Variants in LHFPL6 observed in about 807,000 individuals in gnomAD.
The protein encoded by LHFPL6 is LHFPL tetraspan subfamily member 6.
LHFPL6 carries 9 observed loss-of-function variants against 20.6 expected under a neutral mutation model. That is an observed-to-expected ratio of 0.44 (90% confidence interval 0.26 to 0.76). The LOEUF is 0.76. LHFPL6 is among the 30% of genes least tolerant of loss of function. The pLI, the probability that LHFPL6 is intolerant of heterozygous loss-of-function variation, is 0.20. For missense variants in LHFPL6, 218 were observed against 253.5 expected, an observed-to-expected ratio of 0.86 and a Z score of 0.95; for synonymous variants, 105 against 98.7, an observed-to-expected ratio of 1.06 and a Z score of -0.38.
chr13:39,485,545 G>A (rs1397009951), intron 2 of LHFPL6, among the ~76,000 whole-genome samples: 1 of 152,126 alleles, frequency 6.6e-6, no homozygotes, highest in Non-Finnish European at 1.5e-5. Flanking sequence ...TCTGGTAAAT[G>A]CAAGACTAGA....
chr13:39,477,823 T>A (rs551016997), intron 2 of LHFPL6, among the ~76,000 whole-genome samples: 1 of 152,198 alleles, frequency 6.6e-6, no homozygotes, highest in African/African-American at 2.4e-5. Flanking sequence ...ATGGTTTATG[T>A]CAAGCATCTA....
At chr13:39,442,036 C>T (rs1289989863) in intron 2 of LHFPL6, among the ~76,000 whole-genome samples, 4 of 151,826 alleles carry the variant, frequency 2.6e-5, no homozygotes, top group Non-Finnish European at 5.9e-5. Flanking sequence ...ACCACGTTAG[C>T]CAGGCTGGTC....
chr13:39,352,895 GTATATATATATAAATGTA>G lies in LHFPL6; in HGVS notation c.485-8859_485-8842del, dbSNP rs1869613961. 3.3e-4 allele frequency among the ~76,000 whole-genome samples: 10 copies of G among 30,724 alleles called. 1 individual carries two copies. Among genetic ancestry groups the G allele is most frequent in the African/African-American group, 6.0e-4 (6 of 9,930 alleles). The allele number at this position is 30,724 out of a possible 152,430, so 20.2% of individuals were successfully genotyped here. ...TATATATATAAATGTATATATATGT[GTATATATATATAAATGTA>G]TATATATATAAATGTATATATATGT... On this transcript the variant is annotated intron_variant, in intron 3 of 3. Transcript: ENST00000379589.
At chr13:39,562,417 C>CATATACATATTTACATAT (rs1871525053) in intron 2 of LHFPL6, among the ~76,000 whole-genome samples, 1 of 57,900 alleles carries the variant, frequency 1.7e-5, no homozygotes, top group Non-Finnish European at 3.9e-5. Flanking sequence ...CACATATACA[C>CATATACATATTTACATAT]ATATACATAT....
intron 2 of LHFPL6, among the ~76,000 whole-genome samples, chr13:39,427,705 C>CTAGGGTTCATGAGTGATACTG (rs1159814454): frequency 2.6e-5 from 4 of 152,080 alleles, no homozygotes; most frequent in Non-Finnish European, 5.9e-5. Flanking sequence ...AAATTTGGCA[C>CTAGGGTTCATGAGTGATACTG]TAGGGTTCAT....
At chr13:39,518,314 AG>A (rs1463773246) in intron 2 of LHFPL6, among the ~76,000 whole-genome samples, 1 of 152,238 alleles carries the variant, frequency 6.6e-6, no homozygotes, top group Non-Finnish European at 1.5e-5. Flanking sequence ...CCAACACTTT[AG>A]GTCTCAAACA....
rs567220727 is a variant in LHFPL6 at position 39,397,160 on chromosome 13, T to A, written c.386-18634A>T. Among the ~76,000 whole-genome samples the A allele has an allele frequency of 2.1e-3, 309 of 150,430 alleles. 7 individuals are homozygous for A. The South Asian group carries it at 0.048, about 23-fold the overall frequency. ...TAGGCAATAAGTTAATAAAGTAAAT[T>A]GAAAAAAAAAAGTAGATTTTCTTAA... On this transcript the variant is annotated intron_variant, in intron 2 of 3. Coordinates refer to ENST00000379589, the MANE Select transcript of LHFPL6 (RefSeq NM_005780.3).
At chr13:39,420,130 T>G (rs1020422227) in intron 2 of LHFPL6, among the ~76,000 whole-genome samples, 1 of 152,176 alleles carries the variant, frequency 6.6e-6, no homozygotes, top group African/African-American at 2.4e-5. Flanking sequence ...CTGTATTCAC[T>G]CTTCTCCCAC....
chr13:39,357,292 C>T (rs1432154987), intron 3 of LHFPL6, among the ~76,000 whole-genome samples: 2 of 152,078 alleles, frequency 1.3e-5, no homozygotes, highest in Non-Finnish European at 2.9e-5. Context: ...GAGTTTTGTA[C>T]CAATTCTAAT....
At chr13:39,484,124 T>C (rs768255266) in intron 2 of LHFPL6, among the ~76,000 whole-genome samples, 2 of 152,192 alleles carry the variant, frequency 1.3e-5, no homozygotes, top group Non-Finnish European at 2.9e-5. Flanking sequence ...GTGACAATCA[T>C]TTCCAAGTTT....
chr13:39,390,871 C>T (rs1338488092), intron 2 of LHFPL6, among the ~76,000 whole-genome samples: 2 of 152,048 alleles, frequency 1.3e-5, no homozygotes. Flanking sequence ...GTGGCGTGCA[C>T]CTGTAATCCC....
chr13:39,522,408 G>GCCAA, intron 2 of LHFPL6, among the ~76,000 whole-genome samples: 1 of 150,888 alleles, frequency 6.6e-6, no homozygotes, highest in Admixed American at 6.7e-5. Flanking sequence ...TGTTAGCATG[G>GCCAA]CCAAGTCCAA....
At chr13:39,592,461 G>A (rs1328694602) in intron 2 of LHFPL6, among the ~76,000 whole-genome samples, 2 of 152,150 alleles carry the variant, frequency 1.3e-5, no homozygotes, top group Non-Finnish European at 2.9e-5. Context: ...AACAGGCTCT[G>A]AAATTGAGGC....
chr13:39,440,856 C>G (rs1872103991), intron 2 of LHFPL6, among the ~76,000 whole-genome samples: 1 of 152,132 alleles, frequency 6.6e-6, no homozygotes, highest in Admixed American at 6.5e-5. Context: ...CTGCGCTGTT[C>G]TCATGATAGT....
chr13:39,357,655 G>C (rs1232818631), intron 3 of LHFPL6, among the ~76,000 whole-genome samples: 1 of 152,114 alleles, frequency 6.6e-6, no homozygotes. Context: ...TAAAGGTTCA[G>C]GATACAAAAT....
intron 2 of LHFPL6, among the ~76,000 whole-genome samples, chr13:39,478,546 C>T (rs1376213271): frequency 2.6e-5 from 4 of 152,024 alleles, no homozygotes; most frequent in Non-Finnish European, 5.9e-5. Flanking sequence ...CCAGGAAGTG[C>T]GCAGATAAAA....
intron 2 of LHFPL6, among the ~76,000 whole-genome samples, chr13:39,510,651 C>T (rs779029903): frequency 1.3e-5 from 2 of 152,142 alleles, no homozygotes; most frequent in African/African-American, 2.4e-5. Flanking sequence ...AGAGAAAACA[C>T]ACACACACAC....
chr13:39,387,181 A>C (rs1473696335), intron 2 of LHFPL6, among the ~76,000 whole-genome samples: 4 of 152,244 alleles, frequency 2.6e-5, no homozygotes, highest in Non-Finnish European at 5.9e-5. Flanking sequence ...AATATTATTT[A>C]GTACTTTAAA....
At chr13:39,461,742 A>C (rs1245272389) in intron 2 of LHFPL6, among the ~76,000 whole-genome samples, 2 of 152,224 alleles carry the variant, frequency 1.3e-5, no homozygotes, top group Non-Finnish European at 2.9e-5. Context: ...CAGCTGGGAA[A>C]GTCAAAATAA....
Sources: gnomAD v4.1 joint callset for allele counts (sites outside exome capture counted in the v4.1 genomes callset) on GRCh38, gnomAD v4.1.1 for gene constraint, MANE v1.5 for transcripts, NCBI Gene and HGNC (gene_info 2026-07-23, HGNC 2026-07-21) for gene names.